Variants in KLRD1 observed in about 807,000 individuals in gnomAD.
KLRD1 encodes the protein killer cell lectin like receptor D1.
KLRD1 carries 21 observed loss-of-function variants against 22.6 expected under a neutral mutation model. The ratio of observed to expected loss-of-function variants is 0.93; its 90% CI spans 0.66 to 1.34. The LOEUF is 1.34. Ranked by LOEUF, KLRD1 falls within the 40% of genes most tolerant of loss-of-function variation. The probability of loss-of-function intolerance (pLI) is 0.00; values close to 1 mark genes in which losing one functional copy is unlikely to be tolerated. For synonymous variants in KLRD1, 59 were observed against 71.1 expected (o/e 0.83, Z 0.85); for missense variants, 183 against 208.6 (o/e 0.88, Z 0.76).
At chr12:10,249,186 T>C (rs1002351339) in intron 1 of KLRD1, among the ~76,000 whole-genome samples, 1 of 152,124 alleles carries the variant, frequency 6.6e-6, no homozygotes, top group Non-Finnish European at 1.5e-5. Flanking sequence ...AGATTCTAAA[T>C]TAGGCTTAAC....
At chr12:10,275,606 C>T (rs1472106511) in intron 1 of KLRD1, among the ~76,000 whole-genome samples, 2 of 152,030 alleles carry the variant, frequency 1.3e-5, no homozygotes, top group South Asian at 2.1e-4. Flanking sequence ...TTAGGTGTTG[C>T]GGGAATTGTT....
At chr12:10,259,929 G>A (rs1325224936) in intron 1 of KLRD1, among the ~76,000 whole-genome samples, 4 of 152,138 alleles carry the variant, frequency 2.6e-5, no homozygotes, top group Non-Finnish European at 4.4e-5. Context: ...TCATGCTACT[G>A]CACTCTAGCC....
intron 1 of KLRD1, among the ~76,000 whole-genome samples, chr12:10,251,899 G>A (rs899789755): frequency 6.6e-6 from 1 of 152,092 alleles, no homozygotes; most frequent in Non-Finnish European, 1.5e-5. Context: ...TATAGGTGAA[G>A]CTTTGCTCAC....
intron 1 of KLRD1, among the ~76,000 whole-genome samples, chr12:10,243,529 G>T (rs563646089): frequency 7.2e-6 from 1 of 138,430 alleles, no homozygotes; most frequent in Admixed American, 8.6e-5. Context: ...CAGGAGAATC[G>T]CTTGAACCCA....
At chr12:10,293,748 C>CA in intron 1 of KLRD1, among the ~76,000 whole-genome samples, 1 of 152,198 alleles carries the variant, frequency 6.6e-6, no homozygotes, top group African/African-American at 2.4e-5. Flanking sequence ...CACAAAACCT[C>CA]AATTTGTAAA....
At chr12:10,239,553 TTCTTTCTTTC>T (rs1949220863) in intron 1 of KLRD1, among the ~76,000 whole-genome samples, 8 of 125,782 alleles carry the variant, frequency 6.4e-5, no homozygotes, top group Admixed American at 2.2e-4. Flanking sequence ...CTTTCTTTCT[TTCTTTCTTTC>T]TTTCTTTCTT....
intron 1 of KLRD1, among the ~76,000 whole-genome samples, chr12:10,269,887 A>G (rs1323766084): frequency 2.0e-5 from 3 of 152,182 alleles, no homozygotes; most frequent in East Asian, 3.8e-4. Flanking sequence ...TGCAAGCAAT[A>G]TGCAGATTCA....
intron 1 of KLRD1, among the ~76,000 whole-genome samples, chr12:10,246,928 CTTTTCTTT>C (rs1949297445): frequency 7.7e-6 from 1 of 129,674 alleles, no homozygotes; most frequent in African/African-American, 2.9e-5. Context: ...CTTTTCTTTT[CTTTTCTTT>C]TTTTTTTTTT....
In KLRD1 at chr12:10,314,837, T is replaced by C. The variant is rs759577514; in HGVS notation, c.*44T>C. On this transcript the variant is annotated 3_prime_UTR_variant, in exon 6 of 6. Coordinates refer to ENST00000336164, the MANE Select transcript of KLRD1 (RefSeq NM_002262.5). Reference sequence around the variant, plus strand: ...AAGGTGGAGAGTAAAGACCCAACATTACTAACAATGATACAGTTGCATGTT... The same window carrying C: ...AAGGTGGAGAGTAAAGACCCAACATCACTAACAATGATACAGTTGCATGTT... 18 of 1,547,224 alleles carry C rather than the reference T, an allele frequency of 1.2e-5. No homozygotes were observed. In the African/African-American group the frequency reaches 2.2e-4, roughly 19 times the overall value.
Position 10,315,489 on chromosome 12 carries a change from T to C in KLRD1, c.*696T>C, listed in dbSNP as rs989156589. The C allele has an allele frequency of 5.7e-6, 1 of 174,384 alleles. No individual in the cohort carries two copies. The highest frequency in any genetic ancestry group is 1.2e-5 in the Non-Finnish European group (1 of 81,382). 10.8% of individuals were successfully genotyped at this position (174,384 alleles called of 1,614,324 possible). On this transcript the variant is annotated 3_prime_UTR_variant, in exon 6 of 6. Coordinates refer to ENST00000336164, the MANE Select transcript of KLRD1 (RefSeq NM_002262.5). ...TGCATTTCAGGTAACTGACAAAAGA[T>C]ATAGGATGAAAAATAATATCTTTCA...
At chr12:10,251,776 C>T (rs562078438) in intron 1 of KLRD1, among the ~76,000 whole-genome samples, 1 of 152,094 alleles carries the variant, frequency 6.6e-6, no homozygotes, top group East Asian at 1.9e-4. Context: ...CTAGATCCCT[C>T]GCATGTGCAG....
rs549421969 is a variant in KLRD1, at chr12:10,254,723, A to G, written c.-101+28490A>G. 2.0e-5 allele frequency among the ~76,000 whole-genome samples: 3 copies of G among 151,904 alleles called. No individual in the cohort carries two copies. In the East Asian group the frequency reaches 5.8e-4, roughly 30 times the overall value. On this transcript the variant is annotated intron_variant, in intron 1 of 5. Coordinates refer to the KLRD1 transcript ENST00000544747. ...GGTCAACATGGTGAAACCCTGTCTC[A>G]TGTAAAAATACAAGGAAAAATTAGC...
chr12:10,284,753 G>A (rs1439363197), intron 1 of KLRD1, among the ~76,000 whole-genome samples: 1 of 152,160 alleles, frequency 6.6e-6, no homozygotes, highest in Non-Finnish European at 1.5e-5. Context: ...GGGAGGCCAA[G>A]GCGGGCAGAT....
intron 1 of KLRD1, among the ~76,000 whole-genome samples, chr12:10,239,434 T>TTTCCTTCC (rs1190408287): frequency 0.14 from 5,897 of 41,390 alleles, 707 homozygotes; most frequent in Non-Finnish European, 0.18. Context: ...CCTTCCTTCC[T>TTTCCTTCC]TTCCTTCCTT....
At chr12:10,239,671 T>C (rs998527029) in intron 1 of KLRD1, among the ~76,000 whole-genome samples, 3 of 151,286 alleles carry the variant, frequency 2.0e-5, no homozygotes, top group Non-Finnish European at 2.9e-5. Flanking sequence ...AGACAGAGTC[T>C]CACTCTGTTG....
chr12:10,305,604 C>T (rs1949909818), upstream of KLRD1, among the ~76,000 whole-genome samples: 1 of 152,122 alleles, frequency 6.6e-6, no homozygotes, highest in South Asian at 2.1e-4. Flanking sequence ...TATAGCAAAT[C>T]ACAAGATTCG....
Position 10,325,534 on chromosome 12 carries a change from C to T in KLRD1, c.*10741C>T, listed in dbSNP as rs965147892. 1 of 152,140 alleles carries T rather than the reference C, an allele frequency of 6.6e-6. No homozygotes were observed. Among genetic ancestry groups the T allele is most frequent in the African/African-American group, 2.4e-5 (1 of 41,444 alleles). The allele number at this position is 152,140 out of a possible 1,614,324, so 9.4% of individuals were successfully genotyped here. On this transcript the variant is annotated 3_prime_UTR_variant, in exon 6 of 6. Coordinates refer to ENST00000336164, the MANE Select transcript of KLRD1 (RefSeq NM_002262.5). ...TTAACGACGTCCCATTTTTTCCTCTCTCCATTCCTGGCAACCACCATTCTA... is the reference window on the plus strand; with the variant it reads ...TTAACGACGTCCCATTTTTTCCTCTTTCCATTCCTGGCAACCACCATTCTA...
chr12:10,294,363 C>T (rs776653772), intron 1 of KLRD1, among the ~76,000 whole-genome samples: 1 of 150,924 alleles, frequency 6.6e-6, no homozygotes, highest in African/African-American at 2.4e-5. Flanking sequence ...AAGTTTAGTA[C>T]CTCAAAATTT....
chr12:10,322,104 T>G lies in KLRD1; in HGVS notation c.*7311T>G, dbSNP rs1950317213. The G allele has an allele frequency of 6.6e-6, 1 of 152,386 alleles. No individual in the cohort carries two copies. Among genetic ancestry groups the G allele is most frequent in the Non-Finnish European group, 1.5e-5 (1 of 68,162 alleles). 9.4% of individuals were successfully genotyped at this position (152,386 alleles called of 1,614,324 possible). A position where few individuals can be genotyped will look rare whatever the true frequency, so the allele number is the denominator to read the frequency against. The stretch of plus-strand genomic sequence containing the variant: ...CTCTGTCACCCAGGCTGGAGTGCAG[T>G]GGCACAGTCTTGGCTCACTGCAACC... On this transcript the variant is annotated 3_prime_UTR_variant, in exon 6 of 6. Coordinates refer to ENST00000336164, the MANE Select transcript of KLRD1 (RefSeq NM_002262.5).
Sources: allele counts gnomAD v4.1 joint callset (sites outside exome capture counted in the v4.1 genomes callset), GRCh38; gene constraint gnomAD v4.1.1; transcripts MANE v1.5; gene names NCBI Gene and HGNC (gene_info 2026-07-23, HGNC 2026-07-21).